The following TMEM192 variants were observed in gnomAD, a reference collection of about 807,000 sequenced individuals.
TMEM192 encodes the protein transmembrane protein 192.
Under a neutral mutation model 26.7 loss-of-function variants are expected in TMEM192, and 20 were observed. The observed-to-expected ratio is 0.75, with a 90% confidence interval of 0.53 to 1.09. The LOEUF (loss-of-function observed/expected upper bound fraction) is 1.09. TMEM192 is among the 50% of genes least tolerant of loss of function. The pLI, the probability that TMEM192 is intolerant of heterozygous loss-of-function variation, is 0.00. For synonymous variants in TMEM192, 124 were observed against 121.0 expected (o/e 1.02, Z -0.16); for missense variants, 304 against 322.6 (o/e 0.94, Z 0.44).
intron 3 of TMEM192, among the ~76,000 whole-genome samples, chr4:165,091,446 C>T (rs889881635): frequency 6.6e-6 from 1 of 151,956 alleles, no homozygotes; most frequent in Admixed American, 6.6e-5. Context: ...TGAAGGACAC[C>T]CAGATGGTTT....
At chr4:165,095,781 A>T (rs1050646644) in intron 3 of TMEM192, among the ~76,000 whole-genome samples, 2 of 151,858 alleles carry the variant, frequency 1.3e-5, no homozygotes, top group African/African-American at 4.8e-5. Context: ...GATTTTTAAA[A>T]ATTTTTTTTT....
At chr4:165,111,100 T>C (rs1272199170) in intron 1 of TMEM192, among the ~76,000 whole-genome samples, 5 of 152,208 alleles carry the variant, frequency 3.3e-5, no homozygotes, top group Non-Finnish European at 5.9e-5. Context: ...TTTTATTTAT[T>C]TTTATTTTTG....
Position 165,085,596 on chromosome 4 carries a change from TCTCCGAGGTAATATTG to T in TMEM192, c.651_666del (p.Ser217ArgfsTer10). 1 of 1,607,784 alleles carries T rather than the reference TCTCCGAGGTAATATTG, an allele frequency of 6.2e-7. No homozygotes were observed. Among genetic ancestry groups the T allele is most frequent in the Non-Finnish European group, 8.5e-7 (1 of 1,177,216 alleles). ...TCACCTAAATCTTACCTGAATCCAG[TCTCCGAGGTAATATTG>T]CTGGGGTAAGCATAGATTTTTTCTT... On this transcript the variant is annotated frameshift_variant, in exon 5 of 6. Transcript: ENST00000306480. LOFTEE classifies it low-confidence loss of function (END_TRUNC).
rs1005074031 is a variant in TMEM192, at chr4:165,072,812, T to A, written c.*6846A>T. 1 of 152,114 alleles carries A rather than the reference T, an allele frequency of 6.6e-6. No individual in the cohort carries two copies. The allele number at this position is 152,114 out of a possible 1,614,324, so 9.4% of individuals were successfully genotyped here. On this transcript the variant is annotated 3_prime_UTR_variant, in exon 6 of 6. Coordinates refer to ENST00000306480, the MANE Select transcript of TMEM192 (RefSeq NM_001100389.2). ...ACATGTTCTGTTTGAGGTGTTTTTT[T>A]ATATACCCAAGTAGTGATCTAGAAG...
In TMEM192 at chr4:165,076,884, C is replaced by T. The variant is rs1244544181; in HGVS notation, c.*2774G>A. 6.6e-6 allele frequency: 1 copy of T among 152,256 alleles called. No homozygotes were observed. The highest frequency in any genetic ancestry group is 1.5e-5 in the Non-Finnish European group (1 of 68,122). The allele number at this position is 152,256 out of a possible 1,614,324, so 9.4% of individuals were successfully genotyped here. ...TGGTGCAATTTCAGCTCACTGCAAC[C>T]TCTGCCTCCTGTGTTCAAGCGATTC... On this transcript the variant is annotated 3_prime_UTR_variant, in exon 6 of 6. Coordinates refer to ENST00000306480, the MANE Select transcript of TMEM192 (RefSeq NM_001100389.2).
intron 5 of TMEM192, 86 bp from the exon 6 acceptor site, chr4:165,079,882 G>A: frequency 4.5e-6 from 6 of 1,346,018 alleles, no homozygotes; most frequent in East Asian, 2.7e-5. Context: ...CTAGTTTTTA[G>A]TAAAGCATAT....
At position 165,073,746 on chromosome 4, in the gene TMEM192, C is replaced by T. The variant is rs1374405041; in HGVS notation, c.*5912G>A. On this transcript the variant is annotated 3_prime_UTR_variant, in exon 6 of 6. Transcript: ENST00000306480. ...GCGAGATATGCTGGCAGCAATACTG[C>T]TCTGTTACTCTTTGCTACACTGAAA... 1 of 152,116 alleles carries T rather than the reference C, an allele frequency of 6.6e-6. No individual in the cohort carries two copies. The highest frequency in any genetic ancestry group is 2.4e-5 in the African/African-American group (1 of 41,404). The allele number at this position is 152,116 out of a possible 1,614,324, so 9.4% of individuals were successfully genotyped here. A position where few individuals can be genotyped will look rare whatever the true frequency, so the allele number is the denominator to read the frequency against.
chr4:165,076,765 T>C lies in TMEM192; in HGVS notation c.*2893A>G, dbSNP rs1278125560. 2 of 152,206 alleles carry C rather than the reference T, an allele frequency of 1.3e-5. No homozygotes were observed. Among genetic ancestry groups the C allele is most frequent in the African/African-American group, 4.8e-5 (2 of 41,452 alleles). 9.4% of individuals were successfully genotyped at this position (152,206 alleles called of 1,614,324 possible). On this transcript the variant is annotated 3_prime_UTR_variant, in exon 6 of 6. Coordinates refer to ENST00000306480, the MANE Select transcript of TMEM192 (RefSeq NM_001100389.2). ...AATTACCAGCCTGGTGAATAGAATG[T>C]TTAACATTTAAATTGTTTTGTTCAT...
At chr4:165,111,893 T>G (rs1176163522) in intron 1 of TMEM192, among the ~76,000 whole-genome samples, 2 of 152,232 alleles carry the variant, frequency 1.3e-5, no homozygotes, top group African/African-American at 4.8e-5. Flanking sequence ...TTACAGTAAC[T>G]GTCAACTTTG....
At chr4:165,104,197 G>GT (rs1735111418) in intron 1 of TMEM192, among the ~76,000 whole-genome samples, 1 of 81,692 alleles carries the variant, frequency 1.2e-5, no homozygotes, top group Non-Finnish European at 2.7e-5. Flanking sequence ...CTCATCACAT[G>GT]TTAAAAAAAA....
intron 3 of TMEM192, among the ~76,000 whole-genome samples, chr4:165,097,266 C>T (rs1034088214): frequency 1.3e-5 from 2 of 151,804 alleles, no homozygotes; most frequent in Non-Finnish European, 2.9e-5. Flanking sequence ...AGGCCGAGGC[C>T]GGCGGATCAC....
chr4:165,101,166 C>T (rs1045841474), intron 2 of TMEM192, among the ~76,000 whole-genome samples: 8 of 151,284 alleles, frequency 5.3e-5, no homozygotes, highest in Admixed American at 2.0e-4. Flanking sequence ...TTAGTAGAGA[C>T]GGGGTTTCAC....
chr4:165,079,526 T>C lies in TMEM192; in HGVS notation c.*132A>G, dbSNP rs1471601107. On this transcript the variant is annotated 3_prime_UTR_variant, in exon 6 of 6. Coordinates refer to ENST00000306480, the MANE Select transcript of TMEM192 (RefSeq NM_001100389.2). ...AACAGCCACAGAAGTCAGAACCAAATTCAGGTTTCCAACAAACACTGTAAA... is the reference window on the plus strand; with the variant it reads ...AACAGCCACAGAAGTCAGAACCAAACTCAGGTTTCCAACAAACACTGTAAA... 9.4e-7 allele frequency: 1 copy of C among 1,067,796 alleles called. No individual in the cohort carries two copies. Among genetic ancestry groups the C allele is most frequent in the Non-Finnish European group, 1.3e-6 (1 of 778,876 alleles). 66.1% of individuals were successfully genotyped at this position (1,067,796 alleles called of 1,614,324 possible). A position where few individuals can be genotyped will look rare whatever the true frequency, so the allele number is the denominator to read the frequency against.
intron 5 of TMEM192, 81 bp from the exon 6 acceptor site, chr4:165,079,877 T>A: frequency 7.2e-7 from 1 of 1,391,246 alleles, no homozygotes; most frequent in Admixed American, 2.4e-5. Flanking sequence ...ACCTACTAGT[T>A]TTTAGTAAAG....
rs1202954048 is a variant in TMEM192 at position 165,072,571 on chromosome 4, C to T, written c.*7087G>A. ...GACTCCCTCCCCCAAAAAAAAAAAACAAAACCAAAAAACCGAAAGACTATT... is the reference window on the plus strand; with the variant it reads ...GACTCCCTCCCCCAAAAAAAAAAAATAAAACCAAAAAACCGAAAGACTATT... On this transcript the variant is annotated 3_prime_UTR_variant, in exon 6 of 6. Transcript: ENST00000306480. 2.1e-5 allele frequency: 3 copies of T among 146,062 alleles called. No individual in the cohort carries two copies. In the South Asian group the frequency reaches 6.5e-4, roughly 32 times the overall value. The allele number at this position is 146,062 out of a possible 1,614,324, so 9.0% of individuals were successfully genotyped here.
At chr4:165,086,971 G>C (rs1734632274) in intron 4 of TMEM192, among the ~76,000 whole-genome samples, 1 of 152,054 alleles carries the variant, frequency 6.6e-6, no homozygotes, top group Non-Finnish European at 1.5e-5. Flanking sequence ...AAAATTAGCT[G>C]GGTGTGGTGG....
intron 2 of TMEM192, among the ~76,000 whole-genome samples, chr4:165,102,015 A>G (rs866358710): frequency 9.2e-5 from 14 of 152,338 alleles, no homozygotes; most frequent in Middle Eastern, 3.4e-3. Context: ...GCAGAGAACA[A>G]CTATAACCCC....
intron 3 of TMEM192, among the ~76,000 whole-genome samples, chr4:165,095,021 A>C (rs1010404166): frequency 1.3e-5 from 2 of 152,156 alleles, no homozygotes; most frequent in East Asian, 1.9e-4. Context: ...ATTCATTAAG[A>C]ATATTTGGAA....
chr4:165,097,340 A>G (rs963616417), intron 3 of TMEM192, among the ~76,000 whole-genome samples: 9 of 152,076 alleles, frequency 5.9e-5, no homozygotes, highest in African/African-American at 1.9e-4. Context: ...TAAAAATACA[A>G]AAAATTAGCC....
Sources: gnomAD v4.1 joint callset for allele counts (sites outside exome capture counted in the v4.1 genomes callset) on GRCh38, gnomAD v4.1.1 for gene constraint, MANE v1.5 for transcripts, NCBI Gene and HGNC (gene_info 2026-07-23, HGNC 2026-07-21) for gene names.